The following FRMD4A variants were observed in gnomAD, a reference collection of about 807,000 sequenced individuals.
The protein encoded by FRMD4A is FERM domain-containing protein 4A.
In FRMD4A, 29 loss-of-function variants were observed where a neutral mutation model predicts 129.1. The observed-to-expected ratio is 0.22, with a 90% CI of 0.17 to 0.31. The LOEUF (loss-of-function observed/expected upper bound fraction) is 0.31, where lower values mean the gene tolerates loss of function less well. FRMD4A is among the 10% of genes least tolerant of loss of function. The probability of loss-of-function intolerance (pLI) is 1.00; values close to 1 mark genes in which losing one functional copy is unlikely to be tolerated. For synonymous variants in FRMD4A, 634 were observed against 571.6 expected, an observed-to-expected ratio of 1.11 and a Z score of -1.56; for missense variants, 1,272 against 1,375.8, an observed-to-expected ratio of 0.92 and a Z score of 1.19.
At chr10:13,866,120 AAAAC>A (rs1564936818) in intron 2 of FRMD4A, 2 of 158,690 alleles carry the variant, frequency 1.3e-5, no homozygotes, top group African/African-American at 2.4e-5. Context: ...AGAATTGCAC[AAAAC>A]AAACAACCTT....
intron 2 of FRMD4A, among the ~76,000 whole-genome samples, chr10:13,863,154 G>A (rs1197594587): frequency 1.3e-5 from 2 of 152,120 alleles, no homozygotes; most frequent in East Asian, 1.9e-4. Flanking sequence ...ACGAAAAAGT[G>A]TTCTTTTGAA....
At chr10:14,092,855 T>G (rs1836736295) in intron 2 of FRMD4A, among the ~76,000 whole-genome samples, 1 of 151,952 alleles carries the variant, frequency 6.6e-6, no homozygotes, top group African/African-American at 2.4e-5. Context: ...CTAGATGAGG[T>G]CAACTGCTCT....
At chr10:14,158,884 A>C (rs1243602232) in intron 2 of FRMD4A, among the ~76,000 whole-genome samples, 1 of 151,646 alleles carries the variant, frequency 6.6e-6, no homozygotes, top group South Asian at 2.1e-4. Flanking sequence ...GTAGCCTTCT[A>C]TTCCAGAAAA....
At chr10:13,932,978 T>C (rs35270934) in intron 2 of FRMD4A, among the ~76,000 whole-genome samples, 20,505 of 152,088 alleles carry the variant, frequency 0.13, 1,547 homozygotes, top group Non-Finnish European at 0.18. Flanking sequence ...CTGGCCAACA[T>C]GGTGAAACTC....
intron 2 of FRMD4A, among the ~76,000 whole-genome samples, chr10:14,067,121 G>T (rs1367476724): frequency 6.6e-6 from 1 of 152,006 alleles, no homozygotes; most frequent in African/African-American, 2.4e-5. Flanking sequence ...TTCGAGACCA[G>T]CCTGGCCAAC....
chr10:13,819,468 G>C (rs1229809597), intron 3 of FRMD4A, among the ~76,000 whole-genome samples: 1 of 152,010 alleles, frequency 6.6e-6, no homozygotes, highest in Non-Finnish European at 1.5e-5. Context: ...GATTTCTACA[G>C]CACTCAACAC....
chr10:13,700,811 G>A (rs1589441487), intron 14 of FRMD4A, among the ~76,000 whole-genome samples: 1 of 130,264 alleles, frequency 7.7e-6, no homozygotes, highest in Non-Finnish European at 1.6e-5. Flanking sequence ...TAGGGAAACA[G>A]GGTAGTTGCT....
intron 2 of FRMD4A, among the ~76,000 whole-genome samples, chr10:14,177,113 C>G (rs1272963691): frequency 6.6e-6 from 1 of 152,228 alleles, no homozygotes; most frequent in Admixed American, 6.5e-5. Flanking sequence ...GGTTCATGAA[C>G]AGGTTTGCAC....
intron 12 of FRMD4A, among the ~76,000 whole-genome samples, chr10:13,713,664 G>A (rs921414168): frequency 6.6e-6 from 1 of 151,316 alleles, no homozygotes; most frequent in Non-Finnish European, 1.5e-5. Context: ...CACCCAGAAA[G>A]CTCCAAACCT....
In FRMD4A at chr10:13,660,545, G is replaced by C; in HGVS notation, c.1669C>G (p.Gln557Glu). The change falls in exon 20 of 25, where the codon CAG becomes GAG. Residue 557 changes from glutamine to glutamate, a missense_variant. Physicochemically the swap from Gln to Glu is conservative, Grantham distance 29. Coordinates refer to ENST00000357447, the MANE Select transcript of FRMD4A (RefSeq NM_018027.5). ...DALVLEDEDSQVTSTISPLHS... is the reference protein window; with the variant it reads ...DALVLEDEDSEVTSTISPLHS... ...AGGGGGGATATTGTGCTGGTAACCT[G>C]AGAGTCTTCTGCACAAAGACAGGAA... The C allele has an allele frequency of 6.3e-7, 1 of 1,595,382 alleles. No homozygotes were observed. The highest frequency in any genetic ancestry group is 8.6e-7 in the Non-Finnish European group (1 of 1,165,200).
chr10:13,916,493 A>G (rs992851577), intron 2 of FRMD4A, among the ~76,000 whole-genome samples: 1 of 152,186 alleles, frequency 6.6e-6, no homozygotes, highest in Non-Finnish European at 1.5e-5. Flanking sequence ...ATTGACTAAC[A>G]TATGCCAGAT....
At chr10:14,002,104 C>T (rs554394394) in intron 2 of FRMD4A, among the ~76,000 whole-genome samples, 1 of 152,118 alleles carries the variant, frequency 6.6e-6, no homozygotes, top group African/African-American at 2.4e-5. Flanking sequence ...GGTACAAAAA[C>T]GTTTAATTTA....
intron 2 of FRMD4A, among the ~76,000 whole-genome samples, chr10:14,189,728 T>G (rs1321654399): frequency 1.3e-5 from 2 of 152,214 alleles, no homozygotes; most frequent in African/African-American, 4.8e-5. Context: ...CAGATGTTAG[T>G]GTCATCACTT....
At position 13,654,060 on chromosome 10, in the gene FRMD4A, T is replaced by C. The variant is rs78235119; in HGVS notation, c.3050+356A>G. ...TCTTCATCAGCTCTCTTTCTCCCCCTGACATTCTTGCCTGGCATTTTGAGT... is the reference window on the plus strand; with the variant it reads ...TCTTCATCAGCTCTCTTTCTCCCCCCGACATTCTTGCCTGGCATTTTGAGT... On this transcript the variant is annotated intron_variant, in intron 23 of 24. Transcript: ENST00000357447. 4.8e-3 allele frequency: 2,149 copies of C among 446,102 alleles called. 28 individuals are homozygous for C. Among genetic ancestry groups the C allele is most frequent in the African/African-American group, 0.034 (1,672 of 49,352 alleles). The allele number at this position is 446,102 out of a possible 1,614,324, so 27.6% of individuals were successfully genotyped here. A position where few individuals can be genotyped will look rare whatever the true frequency, so the allele number is the denominator to read the frequency against.
At chr10:14,079,654 T>A (rs778960434) in intron 2 of FRMD4A, among the ~76,000 whole-genome samples, 1 of 152,182 alleles carries the variant, frequency 6.6e-6, no homozygotes, top group African/African-American at 2.4e-5. Context: ...TGTGTGTCCC[T>A]TGGTACGTCA....
At chr10:13,966,819 C>A (rs1047924011) in intron 2 of FRMD4A, among the ~76,000 whole-genome samples, 2 of 152,216 alleles carry the variant, frequency 1.3e-5, no homozygotes, top group African/African-American at 4.8e-5. Flanking sequence ...AATGCGGAAC[C>A]AACCCAAATG....
At chr10:13,686,306 G>C (rs779542449) in intron 15 of FRMD4A, among the ~76,000 whole-genome samples, 1 of 152,254 alleles carries the variant, frequency 6.6e-6, no homozygotes, top group South Asian at 2.1e-4. Flanking sequence ...GAAAAACGTC[G>C]TGTGATTTAT....
intron 2 of FRMD4A, among the ~76,000 whole-genome samples, chr10:13,991,428 G>A (rs1260180108): frequency 1.3e-5 from 2 of 152,126 alleles, no homozygotes; most frequent in Non-Finnish European, 2.9e-5. Flanking sequence ...CCTCCAACGG[G>A]ACCCCCTCTG....
At chr10:14,114,408 T>G (rs911515615) in intron 2 of FRMD4A, among the ~76,000 whole-genome samples, 10 of 152,198 alleles carry the variant, frequency 6.6e-5, no homozygotes, top group Non-Finnish European at 1.3e-4. Context: ...GCTCCAAAGC[T>G]TCTGTCCATC....
Sources: gnomAD v4.1 joint callset for allele counts (sites outside exome capture counted in the v4.1 genomes callset) on GRCh38, gnomAD v4.1.1 for gene constraint, MANE v1.5 for transcripts, NCBI Gene and HGNC (gene_info 2026-07-23, HGNC 2026-07-21) for gene names.